NLN: variants seen among roughly 807,000 people sequenced by gnomAD.
NLN encodes neurolysin.
In NLN, 64 loss-of-function variants were observed where a neutral mutation model predicts 79.9. That is an observed-to-expected ratio of 0.80 (90% confidence interval 0.65 to 0.99). The LOEUF (loss-of-function observed/expected upper bound fraction) is 0.99, where lower values mean the gene tolerates loss of function less well. Among genes scored for constraint, NLN ranks in the 50% least tolerant of loss-of-function variants. The pLI is 0.00. For missense variants in NLN, 835 were observed against 858.7 expected (o/e 0.97, Z 0.34); for synonymous variants, 267 against 296.6 (o/e 0.90, Z 1.02).
At chr5:65,779,113 G>C (rs186619505) in intron 4 of NLN, among the ~76,000 whole-genome samples, 1 of 152,170 alleles carries the variant, frequency 6.6e-6, no homozygotes, top group East Asian at 1.9e-4. Flanking sequence ...TGAACAGTGC[G>C]TTAGGTCAGT....
intron 1 of NLN, among the ~76,000 whole-genome samples, chr5:65,743,007 A>T (rs1758903889): frequency 6.6e-6 from 1 of 152,248 alleles, no homozygotes; most frequent in African/African-American, 2.4e-5. Context: ...TATATGTTAT[A>T]TGCTGAACAC....
At chr5:65,787,831 C>G (rs1428921229) in intron 7 of NLN, among the ~76,000 whole-genome samples, 1 of 152,132 alleles carries the variant, frequency 6.6e-6, no homozygotes, top group Non-Finnish European at 1.5e-5. Flanking sequence ...CTGAGATAAA[C>G]TTGAGCTTTG....
At chr5:65,798,342 C>T (rs767996697) in intron 9 of NLN, among the ~76,000 whole-genome samples, 2 of 152,186 alleles carry the variant, frequency 1.3e-5, no homozygotes, top group Non-Finnish European at 2.9e-5. Flanking sequence ...TGCGTATTTG[C>T]GCTCCCATTC....
chr5:65,774,699 G>A (rs1759641070), intron 3 of NLN, among the ~76,000 whole-genome samples: 1 of 148,280 alleles, frequency 6.7e-6, no homozygotes, highest in Non-Finnish European at 1.5e-5. Flanking sequence ...CAGTTAATTA[G>A]TCATACATAT....
At chr5:65,759,199 A>C (rs1010877735) in intron 2 of NLN, among the ~76,000 whole-genome samples, 3 of 152,164 alleles carry the variant, frequency 2.0e-5, no homozygotes, top group African/African-American at 7.2e-5. Context: ...ACAATTCCCA[A>C]ATGTCAACTA....
At position 65,828,939 on chromosome 5, in the gene NLN, C is replaced by T. The variant is rs1209057496; in HGVS notation, c.*6024C>T. 1 of 151,826 alleles carries T rather than the reference C, an allele frequency of 6.6e-6. No individual in the cohort carries two copies. The highest frequency in any genetic ancestry group is 2.4e-5 in the African/African-American group (1 of 41,130). The allele number at this position is 151,826 out of a possible 1,614,324, so 9.4% of individuals were successfully genotyped here. A position where few individuals can be genotyped will look rare whatever the true frequency, so the allele number is the denominator to read the frequency against. On this transcript the variant is annotated 3_prime_UTR_variant, in exon 13 of 13. Transcript: ENST00000380985. ...TCATCTGTAATCAGTGAAAGTTTAT[C>T]CAGAGGTTAATTACCGGTTTTCTGG...
rs12187571 is a variant in NLN at position 65,827,977 on chromosome 5, G to A, written c.*5062G>A. 0.053 allele frequency: 8,141 copies of A among 152,264 alleles called. 293 individuals carry two copies. Among genetic ancestry groups the A allele is most frequent in the Non-Finnish European group, 0.081 (5,482 of 68,016 alleles). 9.4% of individuals were successfully genotyped at this position (152,264 alleles called of 1,614,324 possible). ...GGTTGCAGTGAGCCGACATTGTGCC[G>A]CTTCATTCCAGCCTGGGCAACAGAG... On this transcript the variant is annotated 3_prime_UTR_variant, in exon 13 of 13. Transcript: ENST00000380985.
At chr5:65,794,376 C>T (rs1037927610) in intron 9 of NLN, among the ~76,000 whole-genome samples, 1 of 152,042 alleles carries the variant, frequency 6.6e-6, no homozygotes, top group African/African-American at 2.4e-5. Flanking sequence ...TTTGGGAGGC[C>T]AAGGGCGGCA....
intron 3 of NLN, among the ~76,000 whole-genome samples, chr5:65,767,962 A>T (rs1451902472): frequency 6.6e-6 from 1 of 152,182 alleles, no homozygotes; most frequent in South Asian, 2.1e-4. Flanking sequence ...CCTCATCTTC[A>T]TCTGAGACCA....
chr5:65,765,574 T>G (rs1415415326), intron 3 of NLN, among the ~76,000 whole-genome samples: 1 of 151,752 alleles, frequency 6.6e-6, no homozygotes, highest in Non-Finnish European at 1.5e-5. Context: ...CTGAGCATGG[T>G]GGTAAGTGCC....
Position 65,788,282 on chromosome 5 carries a change from A to G in NLN, c.1123A>G (p.Ile375Val), listed in dbSNP as rs762776844. ...TCAGACAGAGGAACTCAAGTATTCC[A>G]TAGACCAAGAGTTCCTCAAGGAATA... Reference protein sequence around the residue: ...MTQTEELKYSIDQEFLKEYFP... With the variant: ...MTQTEELKYSVDQEFLKEYFP... The change falls in exon 8 of 13, where the codon ATA becomes GTA. Residue 375 changes from isoleucine (I) to valine (V), a missense_variant. Transcript: ENST00000380985. The G allele has an allele frequency of 6.2e-7, 1 of 1,613,994 alleles. No individual in the cohort carries two copies. The highest frequency in any genetic ancestry group is 8.5e-7 in the Non-Finnish European group (1 of 1,179,812).
Position 65,726,234 on chromosome 5 carries a change from T to TA in NLN, c.41+3821dup, listed in dbSNP as rs1330409977. ...CCTCAGGACAACCCTTATACTCAGG[T>TA]ACACAGCAGAAATGCTTTGTGTGTA... On this transcript the variant is annotated intron_variant, in intron 1 of 12. Coordinates refer to ENST00000380985, the MANE Select transcript of NLN (RefSeq NM_020726.5). Among the ~76,000 whole-genome samples, 6 of 152,344 alleles carry TA rather than the reference T, an allele frequency of 3.9e-5. No individual in the cohort carries two copies. In the East Asian group the frequency reaches 1.2e-3, roughly 29 times the overall value.
In NLN at chr5:65,763,153, A is replaced by G. The variant is rs202160550; in HGVS notation, c.450+45A>G. The G allele has an allele frequency of 1.3e-5, 20 of 1,494,782 alleles. No homozygotes were observed. In the East Asian group the frequency reaches 4.3e-4, roughly 32 times the overall value. The allele number at this position is 1,494,782 out of a possible 1,614,324, so 92.6% of individuals were successfully genotyped here. A position where few individuals can be genotyped will look rare whatever the true frequency, so the allele number is the denominator to read the frequency against. On this transcript the variant is annotated intron_variant, in intron 3 of 12. Coordinates refer to ENST00000380985, the MANE Select transcript of NLN (RefSeq NM_020726.5). ...CCTTTAAAGAGGGAAAAACTCTACA[A>G]CAAAAAAGAACATTCAGTCATAAAT...
chr5:65,773,173 C>T (rs1759607840), intron 3 of NLN, among the ~76,000 whole-genome samples: 1 of 144,778 alleles, frequency 6.9e-6, no homozygotes, highest in Non-Finnish European at 1.5e-5. Flanking sequence ...ACTCTGTTGC[C>T]CAGGCTGGAG....
chr5:65,789,788 T>A (rs1365540515), intron 8 of NLN, among the ~76,000 whole-genome samples: 11 of 152,196 alleles, frequency 7.2e-5, no homozygotes, highest in African/African-American at 2.7e-4. Context: ...AAAATATTTA[T>A]TAGATAATCT....
intron 3 of NLN, among the ~76,000 whole-genome samples, chr5:65,773,897 C>T (rs1006680875): frequency 1.3e-5 from 2 of 152,126 alleles, no homozygotes; most frequent in African/African-American, 4.8e-5. Flanking sequence ...GAGCCATGAT[C>T]ACACCACTGT....
At chr5:65,762,926 G>A (rs2150748242) in intron 2 of NLN, 34 bp from the exon 3 acceptor site, 1 of 1,608,480 alleles carries the variant, frequency 6.2e-7, no homozygotes, top group Non-Finnish European at 8.5e-7. Context: ...GACAAGTCCT[G>A]TTGTGTGGTG....
chr5:65,825,190 T>C lies in NLN; in HGVS notation c.*2275T>C, dbSNP rs954143689. On this transcript the variant is annotated 3_prime_UTR_variant, in exon 13 of 13. Transcript: ENST00000380985. ...TCTAGCATAATTCAAAAGAAAGGACTTAACTTTTTTTTTTTTAGTGTGGTC... is the reference window on the plus strand; with the variant it reads ...TCTAGCATAATTCAAAAGAAAGGACCTAACTTTTTTTTTTTTAGTGTGGTC... 6.6e-6 allele frequency: 1 copy of C among 152,122 alleles called. No homozygotes were observed. The highest frequency in any genetic ancestry group is 2.4e-5 in the African/African-American group (1 of 41,440). The allele number at this position is 152,122 out of a possible 1,614,324, so 9.4% of individuals were successfully genotyped here. A position where few individuals can be genotyped will look rare whatever the true frequency, so the allele number is the denominator to read the frequency against.
chr5:65,809,604 C>T lies in NLN; in HGVS notation c.1617C>T (p.Val539=), dbSNP rs774054316. ...TGCTTGAAAATTGGGTGTGGGACGT[C>T]GATTCCCTCCGAAGATTGTCAAAAC... ...SQMLENWVWD[V]DSLRRLSKHY... Residue 539 remains valine, a synonymous_variant, in exon 10 of 13, where the codon GTC becomes GTT. Transcript: ENST00000380985. 5.6e-6 allele frequency: 9 copies of T among 1,613,750 alleles called. No individual in the cohort carries two copies. Among genetic ancestry groups the T allele is most frequent in the Middle Eastern group, 1.6e-4 (1 of 6,084 alleles).
Sources: gnomAD v4.1 joint callset for allele counts (sites outside exome capture counted in the v4.1 genomes callset) on GRCh38, gnomAD v4.1.1 for gene constraint, MANE v1.5 for transcripts, NCBI Gene and HGNC (gene_info 2026-07-23, HGNC 2026-07-21) for gene names.